DPY19L3: variants seen among roughly 807,000 people sequenced by gnomAD.
DPY19L3 encodes protein C-mannosyl-transferase DPY19L3.
A neutral mutation model predicts 92.3 loss-of-function variants in DPY19L3; 51 were observed. The observed-to-expected ratio is 0.55, with a 90% CI of 0.44 to 0.70. The LOEUF is 0.70. Ranked by LOEUF, DPY19L3 falls within the 30% of genes least tolerant of loss-of-function variation. The pLI is 0.00. For synonymous variants in DPY19L3, 309 were observed against 315.2 expected (o/e 0.98, Z 0.21); for missense variants, 706 against 855.9 (o/e 0.82, Z 2.18).
intron 10 of DPY19L3, 89 bp from the exon 11 acceptor site, chr19:32,458,011 G>C: frequency 1.0e-6 from 1 of 967,836 alleles, no homozygotes; most frequent in Non-Finnish European, 1.6e-6. Flanking sequence ...TGTGAAATTG[G>C]ACACTGAATA....
At position 32,436,501 on chromosome 19, in the gene DPY19L3, C is replaced by A. The variant is rs759872117; in HGVS notation, c.384C>A (p.Leu128=). Residue 128 remains leucine, a synonymous_variant, in exon 5 of 19, where the codon CTC becomes CTA. Transcript: ENST00000392250. The part of the protein sequence containing the change: ...NKTESMKTIN[L]LQRMNIYQEV... Reference sequence around the variant, plus strand: ...CTGAATCTATGAAGACAATTAACCTCCTTCAGCGAATGAATATTTACCAAG... The same window carrying A: ...CTGAATCTATGAAGACAATTAACCTACTTCAGCGAATGAATATTTACCAAG... 1 of 1,578,302 alleles carries A rather than the reference C, an allele frequency of 6.3e-7. No homozygotes were observed. Among genetic ancestry groups the A allele is most frequent in the Non-Finnish European group, 8.7e-7 (1 of 1,152,978 alleles).
At position 32,482,068 on chromosome 19, in the gene DPY19L3, T is replaced by G; in HGVS notation, c.1990-11T>G. The G allele has an allele frequency of 6.2e-7, 1 of 1,605,872 alleles. No individual in the cohort carries two copies. Among genetic ancestry groups the G allele is most frequent in the South Asian group, 1.1e-5 (1 of 89,258 alleles). On this transcript the variant is annotated splice_polypyrimidine_tract_variant and intron_variant, in intron 18 of 18. Coordinates refer to ENST00000392250, the MANE Select transcript of DPY19L3 (RefSeq NM_001172774.2). Reference sequence around the variant, plus strand: ...CCCCCCAAATTGTATTTGGGTTTGTTTTGGTTTTAGATGATGGATGGCCCA... The same window carrying G: ...CCCCCCAAATTGTATTTGGGTTTGTGTTGGTTTTAGATGATGGATGGCCCA...
At chr19:32,472,749 A>G (rs900676692) in intron 16 of DPY19L3, among the ~76,000 whole-genome samples, 3 of 152,184 alleles carry the variant, frequency 2.0e-5, no homozygotes, top group Non-Finnish European at 4.4e-5. Context: ...AGGCATATCT[A>G]TATATTTGCA....
intron 3 of DPY19L3, among the ~76,000 whole-genome samples, chr19:32,422,629 A>AACACACACACACACAC (rs66481682): frequency 0.015 from 2,224 of 146,756 alleles, 20 homozygotes; most frequent in Middle Eastern, 0.021. Context: ...AATCAGGAAA[A>AACACACACACACACAC]ACACACACAC....
rs555694876 is a variant in DPY19L3, at chr19:32,453,285, T to G, written c.987+9T>G. ...TTGCAAGAAAACTTCAGGTAGGACT[T>G]TTTTTTTGTCCTTTATCAAAGTAAA... On this transcript the variant is annotated intron_variant, in intron 9 of 18. Coordinates refer to ENST00000392250, the MANE Select transcript of DPY19L3 (RefSeq NM_001172774.2). 6.3e-7 allele frequency: 1 copy of G among 1,592,242 alleles called. No homozygotes were observed. The highest frequency in any genetic ancestry group is 8.5e-7 in the Non-Finnish European group (1 of 1,174,118).
intron 8 of DPY19L3, among the ~76,000 whole-genome samples, chr19:32,451,195 C>T (rs1969687938): frequency 6.6e-6 from 1 of 152,116 alleles, no homozygotes; most frequent in Non-Finnish European, 1.5e-5. Flanking sequence ...GTTACATAAC[C>T]ATTTAAAATT....
At chr19:32,467,456 A>C (rs1257913378) in intron 15 of DPY19L3, 2 of 987,506 alleles carry the variant, frequency 2.0e-6, no homozygotes, top group East Asian at 2.3e-4. Flanking sequence ...TTTTTACTAC[A>C]TCTCTTCCAA....
At chr19:32,418,500 TAATC>T (rs1426457387) in intron 3 of DPY19L3, among the ~76,000 whole-genome samples, 1 of 152,234 alleles carries the variant, frequency 6.6e-6, no homozygotes. Flanking sequence ...TTTTTTTAAT[TAATC>T]TGATTTAATT....
At chr19:32,417,424 A>G (rs1022971477) in intron 3 of DPY19L3, among the ~76,000 whole-genome samples, 7 of 152,290 alleles carry the variant, frequency 4.6e-5, no homozygotes, top group South Asian at 2.1e-4. Flanking sequence ...AGTTCAAGCA[A>G]TTCTCCTGCC....
rs922105352 is a variant in DPY19L3 at position 32,454,848 on chromosome 19, G to C, written c.988-91G>C. 5.0e-6 allele frequency: 4 copies of C among 801,672 alleles called. No homozygotes were observed. The African/African-American group carries it at 7.2e-5, about 15-fold the overall frequency. The allele number at this position is 801,672 out of a possible 1,614,324, so 49.7% of individuals were successfully genotyped here. A position where few individuals can be genotyped will look rare whatever the true frequency, so the allele number is the denominator to read the frequency against. On this transcript the variant is annotated intron_variant, in intron 9 of 18. Coordinates refer to ENST00000392250, the MANE Select transcript of DPY19L3 (RefSeq NM_001172774.2). ...TTTTCCCTTTATGTTATATGAGCCA[G>C]TGTTTTTAAATCCTTAAGTAAGCTC... is the stretch of plus-strand genomic sequence containing the variant.
At chr19:32,407,453 A>G (rs1968010998) in intron 1 of DPY19L3, among the ~76,000 whole-genome samples, 1 of 152,208 alleles carries the variant, frequency 6.6e-6, no homozygotes, top group South Asian at 2.1e-4. Context: ...TCCGGTTGTC[A>G]ACACATTTAC....
intron 9 of DPY19L3, 68 bp from the exon 10 acceptor site, chr19:32,454,871 C>A: frequency 2.9e-6 from 3 of 1,019,968 alleles, no homozygotes; most frequent in Non-Finnish European, 4.4e-6. Context: ...CTTAAGTAAG[C>A]TCATCTTCAG....
chr19:32,434,063 A>T (rs1419872989), intron 4 of DPY19L3, among the ~76,000 whole-genome samples: 5 of 152,186 alleles, frequency 3.3e-5, no homozygotes, highest in African/African-American at 1.2e-4. Context: ...CAGGCTTAGT[A>T]TTCATTTTTT....
chr19:32,485,485 C>G lies in DPY19L3; in HGVS notation c.*3245C>G, dbSNP rs1970774745. On this transcript the variant is annotated 3_prime_UTR_variant, in exon 19 of 19. Coordinates refer to ENST00000392250, the MANE Select transcript of DPY19L3 (RefSeq NM_001172774.2). The stretch of plus-strand genomic sequence containing the variant: ...ATATGTAAATACATCTGATCTGCAT[C>G]TTTATTTCACAGTTAACTAAAAGTA... 1 of 152,096 alleles carries G rather than the reference C, an allele frequency of 6.6e-6. No homozygotes were observed. Among genetic ancestry groups the G allele is most frequent in the South Asian group, 2.1e-4 (1 of 4,834 alleles). 9.4% of individuals were successfully genotyped at this position (152,096 alleles called of 1,614,324 possible).
intron 3 of DPY19L3, among the ~76,000 whole-genome samples, chr19:32,421,631 A>G (rs1464182685): frequency 1.1e-5 from 1 of 95,226 alleles, no homozygotes; most frequent in African/African-American, 3.4e-5. Context: ...TCATCTCAAA[A>G]AAAAAAAAAA....
rs1301561247 is a variant in DPY19L3, at chr19:32,432,722, G to A, written c.244G>A (p.Glu82Lys). 3.1e-6 allele frequency: 5 copies of A among 1,613,542 alleles called. No individual in the cohort carries two copies. Among genetic ancestry groups the A allele is most frequent in the Non-Finnish European group, 4.2e-6 (5 of 1,179,778 alleles). ...DLWFSNIKEV[E>K]REISFRTECG... is the part of the protein sequence containing the mutation. ...GGATCTAACTCTGTTTTAGGAAGTG[G>A]AGCGAGAAATCTCATTCAGAACAGA... Residue 82 changes from glutamate to lysine, a missense_variant, in exon 4 of 19, where the codon GAG (glutamate) becomes AAG (lysine). Coordinates refer to ENST00000392250, the MANE Select transcript of DPY19L3 (RefSeq NM_001172774.2).
At chr19:32,456,989 A>C (rs916291029) in intron 10 of DPY19L3, among the ~76,000 whole-genome samples, 6 of 152,170 alleles carry the variant, frequency 3.9e-5, no homozygotes, top group African/African-American at 1.4e-4. Flanking sequence ...AGCAAAATCT[A>C]AACTCTACTA....
At chr19:32,418,286 A>G (rs911506734) in intron 3 of DPY19L3, among the ~76,000 whole-genome samples, 1 of 152,194 alleles carries the variant, frequency 6.6e-6, no homozygotes, top group Non-Finnish European at 1.5e-5. Context: ...CACAAGAAGA[A>G]TCCTCCAATG....
intron 3 of DPY19L3, among the ~76,000 whole-genome samples, chr19:32,414,135 AGAG>A (rs1361682855): frequency 6.6e-6 from 1 of 152,096 alleles, no homozygotes; most frequent in East Asian, 1.9e-4. Flanking sequence ...ATACAAAAGA[AGAG>A]GGCCGGGCGC....
Sources: gnomAD v4.1 joint callset for allele counts (sites outside exome capture counted in the v4.1 genomes callset) on GRCh38, gnomAD v4.1.1 for gene constraint, MANE v1.5 for transcripts, NCBI Gene and HGNC (gene_info 2026-07-23, HGNC 2026-07-21) for gene names.